Variants in MIER1 observed in about 807,000 individuals in gnomAD.
MIER1 encodes the protein mesoderm induction early response protein 1.
A neutral mutation model predicts 75.7 loss-of-function variants in MIER1; 40 were observed. The ratio of observed to expected loss-of-function variants is 0.53; its 90% CI spans 0.41 to 0.69. MIER1 has a LOEUF of 0.69. Ranked by LOEUF, MIER1 falls within the 30% of genes least tolerant of loss-of-function variation. The pLI, the probability that MIER1 is intolerant of heterozygous loss-of-function variation, is 0.00. For missense variants in MIER1, 574 were observed against 680.2 expected, an observed-to-expected ratio of 0.84 and a Z score of 1.74; for synonymous variants, 213 against 223.4, an observed-to-expected ratio of 0.95 and a Z score of 0.42.
At chr1:66,970,508 A>G (rs568341239) in intron 8 of MIER1, among the ~76,000 whole-genome samples, 4 of 152,334 alleles carry the variant, frequency 2.6e-5, no homozygotes, top group South Asian at 2.1e-4. Flanking sequence ...GCCCAAGGTC[A>G]TCATACATGT....
chr1:66,981,290 T>C (rs1665831400), intron 12 of MIER1, among the ~76,000 whole-genome samples: 1 of 152,238 alleles, frequency 6.6e-6, no homozygotes, highest in Non-Finnish European at 1.5e-5. Context: ...TAGCATCTTA[T>C]AGCTCAGATC....
At chr1:66,937,440 C>G (rs569717300) in intron 2 of MIER1, among the ~76,000 whole-genome samples, 12 of 151,922 alleles carry the variant, frequency 7.9e-5, no homozygotes, top group Non-Finnish European at 1.6e-4. Context: ...CAAAAGTTAG[C>G]GAGCCATGGT....
chr1:66,930,361 C>T (rs1652851081), intron 2 of MIER1: 1 of 1,606,960 alleles, frequency 6.2e-7, no homozygotes, highest in Non-Finnish European at 8.5e-7. Flanking sequence ...CTGCGGCCGC[C>T]GCGGAGATGT....
chr1:66,976,789 GTTAA>G (rs1279701322), intron 12 of MIER1, 67 bp downstream of exon 12: 14 of 1,300,274 alleles, frequency 1.1e-5, no homozygotes, highest in East Asian at 5.1e-5. Context: ...TTTTTCTTGA[GTTAA>G]TTATTATTTT....
At chr1:66,947,875 T>C (rs933134371) in intron 4 of MIER1, 1 of 959,944 alleles carries the variant, frequency 1.0e-6, no homozygotes, top group Non-Finnish European at 1.2e-6. Context: ...TCAAGGGTTT[T>C]CAGCTCATTC....
chr1:66,925,373 C>T (rs1183799241), intron 1 of MIER1: 3 of 985,320 alleles, frequency 3.0e-6, no homozygotes, highest in African/African-American at 3.5e-5. Flanking sequence ...GCTGGGAATC[C>T]GCTGCGGAGT....
intron 8 of MIER1, among the ~76,000 whole-genome samples, chr1:66,964,272 G>A (rs1424983871): frequency 3.3e-5 from 5 of 150,144 alleles, no homozygotes; most frequent in South Asian, 2.1e-4. Flanking sequence ...ATAGGGTTTC[G>A]CCATGTTGGC....
At chr1:66,945,289 A>G (rs1368171327) in intron 3 of MIER1, among the ~76,000 whole-genome samples, 801 of 7,552 alleles carry the variant, frequency 0.11, 23 homozygotes, top group African/African-American at 0.4. Context: ...ATATATATAT[A>G]TATATATATA....
intron 2 of MIER1, chr1:66,928,911 TGTTTAATTG>T: frequency 6.2e-7 from 1 of 1,608,592 alleles, no homozygotes; most frequent in Non-Finnish European, 8.5e-7. Context: ...CAGATGTTTA[TGTTTAATTG>T]GTTTACAGAC....
chr1:66,981,730 T>C (rs1665927318), intron 12 of MIER1, 49 bp from the exon 13 acceptor site: 1 of 1,477,156 alleles, frequency 6.8e-7, no homozygotes, highest in Non-Finnish European at 9.2e-7. Flanking sequence ...TCAACTAATT[T>C]TTAATTTTCA....
At chr1:66,941,646 G>T (rs1357900448) in intron 3 of MIER1, among the ~76,000 whole-genome samples, 2 of 152,152 alleles carry the variant, frequency 1.3e-5, no homozygotes, top group East Asian at 3.8e-4. Flanking sequence ...AATCAGCCTA[G>T]GCTGAACTGG....
intron 2 of MIER1, chr1:66,932,867 C>T (rs1653792109): frequency 1.3e-5 from 2 of 151,992 alleles, no homozygotes; most frequent in African/African-American, 4.8e-5. Context: ...ATTGATGCTT[C>T]CTACAAGAGC....
chr1:66,954,387 CT>C (rs1265660363), intron 4 of MIER1, among the ~76,000 whole-genome samples: 1 of 152,172 alleles, frequency 6.6e-6, no homozygotes, highest in African/African-American at 2.4e-5. Flanking sequence ...GTAATCCTGA[CT>C]TTCATTAATC....
In MIER1 at chr1:66,955,336, G is replaced by GTTTTTT. The variant is rs34006160; in HGVS notation, c.340-2700_340-2695dup. ...TACCAGCAGCATTAGCATCACCTGAGTTTTTTTTTTTTTTTTTTTTTTTTT... is the reference window on the plus strand; with the variant it reads ...TACCAGCAGCATTAGCATCACCTGAGTTTTTTTTTTTTTTTTTTTTTTTTTTTTTTT... On this transcript the variant is annotated intron_variant, in intron 4 of 13. Transcript: ENST00000401041. 6.7e-4 allele frequency among the ~76,000 whole-genome samples: 40 copies of GTTTTTT among 59,964 alleles called. 5 individuals carry two copies. The highest frequency in any genetic ancestry group is 2.0e-3 in the African/African-American group (29 of 14,240). The allele number at this position is 59,964 out of a possible 152,430, so 39.3% of individuals were successfully genotyped here.
chr1:66,955,871 C>T (rs1327418657), intron 4 of MIER1, among the ~76,000 whole-genome samples: 2 of 152,024 alleles, frequency 1.3e-5, no homozygotes, highest in African/African-American at 2.4e-5. Flanking sequence ...GCTTAAGAAA[C>T]GTTACATGAC....
intron 8 of MIER1, among the ~76,000 whole-genome samples, chr1:66,966,983 C>T (rs987701057): frequency 2.4e-4 from 37 of 152,088 alleles, no homozygotes; most frequent in Non-Finnish European, 3.7e-4. Flanking sequence ...TTGATTGTTT[C>T]CTTTGCTGTG....
intron 3 of MIER1, among the ~76,000 whole-genome samples, chr1:66,942,126 T>C (rs1041692343): frequency 1.3e-5 from 2 of 152,226 alleles, no homozygotes. Context: ...GGGCAGTGTT[T>C]ATTGTTCTTA....
Position 66,986,390 on chromosome 1 carries a change from T to G in MIER1, c.*1490T>G. The G allele has an allele frequency of 6.2e-7, 1 of 1,609,952 alleles. No homozygotes were observed. The highest frequency in any genetic ancestry group is 8.5e-7 in the Non-Finnish European group (1 of 1,178,206). ...TTTATAAAATATTAATTATTCTTGT[T>G]TTTCTCACACAGGCATACTCCAAAT... On this transcript the variant is annotated 3_prime_UTR_variant, in exon 14 of 14. Coordinates refer to ENST00000401041, the MANE Select transcript of MIER1 (RefSeq NM_001077700.3).
intron 12 of MIER1, among the ~76,000 whole-genome samples, chr1:66,977,927 G>A (rs953352177): frequency 2.0e-5 from 3 of 151,786 alleles, no homozygotes; most frequent in African/African-American, 7.3e-5. Context: ...GGCCAGGTGC[G>A]GTGGCTCACT....
Sources: gnomAD v4.1 joint callset for allele counts (sites outside exome capture counted in the v4.1 genomes callset) on GRCh38, gnomAD v4.1.1 for gene constraint, MANE v1.5 for transcripts, NCBI Gene and HGNC (gene_info 2026-07-23, HGNC 2026-07-21) for gene names.